HYDIN: variants seen among roughly 807,000 people sequenced by gnomAD.
The protein encoded by HYDIN is HYDIN axonemal central pair apparatus protein, also known as axonemal central pair apparatus protein HYDIN.
In HYDIN, 132 loss-of-function variants were observed where a neutral mutation model predicts 403.9. That is an observed-to-expected ratio of 0.33 (90% CI 0.28 to 0.38). The LOEUF (loss-of-function observed/expected upper bound fraction) is 0.38, where lower values mean the gene tolerates loss of function less well. HYDIN is among the 10% of genes least tolerant of loss of function. The probability of loss-of-function intolerance (pLI) is 1.00; values close to 1 mark genes in which losing one functional copy is unlikely to be tolerated. For missense variants in HYDIN, 2,827 were observed against 5,009.5 expected (o/e 0.56, Z 13.15); for synonymous variants, 1,202 against 1,891.7 (o/e 0.64, Z 9.46).
chr16:71,020,126 C>G (rs1431268415), intron 22 of HYDIN, 48 bp downstream of exon 22: 1 of 1,595,132 alleles, frequency 6.3e-7, no homozygotes, highest in Non-Finnish European at 8.5e-7. Context: ...TTTATCACAC[C>G]CCGCCCCACC....
intron 10 of HYDIN, among the ~76,000 whole-genome samples, chr16:71,100,329 T>C (rs2083419991): frequency 6.6e-6 from 1 of 152,354 alleles, no homozygotes; most frequent in African/African-American, 2.4e-5. Context: ...AACAGATTTA[T>C]ATCTATAAAT....
intron 13 of HYDIN, among the ~76,000 whole-genome samples, chr16:71,070,277 CCT>C (rs1304937793): frequency 1.3e-3 from 199 of 150,808 alleles, no homozygotes; most frequent in African/African-American, 4.3e-3. Context: ...CTCTCTCCTT[CCT>C]TCCTTCCTTC....
chr16:71,227,368 C>T (rs2041081458), intron 1 of HYDIN, among the ~76,000 whole-genome samples: 1 of 152,108 alleles, frequency 6.6e-6, no homozygotes, highest in Non-Finnish European at 1.5e-5. Flanking sequence ...AAGAGGAAGT[C>T]AAATTGTCCC....
At chr16:71,082,550 T>G (rs2082815361) in intron 12 of HYDIN, among the ~76,000 whole-genome samples, 1 of 151,374 alleles carries the variant, frequency 6.6e-6, no homozygotes, top group Non-Finnish European at 1.5e-5. Context: ...CATGTGAATT[T>G]TGGTAAATGG....
intron 13 of HYDIN, among the ~76,000 whole-genome samples, chr16:71,077,845 T>C (rs1167712454): frequency 1.3e-5 from 2 of 151,858 alleles, no homozygotes; most frequent in East Asian, 1.9e-4. Flanking sequence ...TATTTTTCAT[T>C]CATCATATTA....
At chr16:70,972,935 C>G (rs2078774148) in intron 35 of HYDIN, among the ~76,000 whole-genome samples, 1 of 152,198 alleles carries the variant, frequency 6.6e-6, no homozygotes, top group African/African-American at 2.4e-5. Context: ...TAGTGCGAAG[C>G]TTATGAAATC....
At chr16:71,165,196 G>T (rs1451529235) in intron 5 of HYDIN, among the ~76,000 whole-genome samples, 2 of 151,184 alleles carry the variant, frequency 1.3e-5, no homozygotes, top group African/African-American at 4.9e-5. Context: ...CACTTGCGAA[G>T]GTCCCGTGGT....
Position 70,818,425 on chromosome 16 carries a change from G to A in HYDIN, c.14575C>T (p.Pro4859Ser). 6.2e-7 allele frequency: 1 copy of A among 1,612,730 alleles called. No homozygotes were observed. The highest frequency in any genetic ancestry group is 1.7e-4 in the Middle Eastern group (1 of 6,052). Residue 4859 changes from proline to serine, a missense_variant, in exon 84 of 86, where the codon CCC (proline) becomes TCC (serine). Pro to Ser is a moderately conservative substitution (Grantham distance 74). Transcript: ENST00000393567. Reference sequence around the variant, plus strand: ...TCCGTGGAGAAGGTCACCGAGTAGGGCAGAGGGTTCTCCAACTTGATGGAG... The same window carrying A: ...TCCGTGGAGAAGGTCACCGAGTAGGACAGAGGGTTCTCCAACTTGATGGAG... ...SASIKLENPL[P>S]YSVTFSTECR...
At chr16:71,059,379 C>A (rs945518374) in intron 18 of HYDIN, among the ~76,000 whole-genome samples, 2 of 152,038 alleles carry the variant, frequency 1.3e-5, no homozygotes, top group Admixed American at 1.3e-4. Flanking sequence ...TATGCAAATG[C>A]CATTTATTGA....
intron 9 of HYDIN, among the ~76,000 whole-genome samples, chr16:71,116,507 C>A (rs1389938671): frequency 5.3e-5 from 8 of 152,066 alleles, no homozygotes; most frequent in Non-Finnish European, 1.0e-4. Flanking sequence ...GCAGAGCTCT[C>A]TTCGAGATCC....
In HYDIN at chr16:70,920,708, G is replaced by A. The variant is rs773038982; in HGVS notation, c.7668C>T (p.His2556=). ...SDWEGEGEED[H]EGKKEKDLGV... is the part of the protein sequence containing the mutation. ...CCAGGTCCTTCTCCTTCTTCCCTTCGTGGTCCTCCTCCCCTTCCCCCTCCC... is the reference window on the plus strand; with the variant it reads ...CCAGGTCCTTCTCCTTCTTCCCTTCATGGTCCTCCTCCCCTTCCCCCTCCC... The change falls in exon 46 of 86, where the codon CAC becomes CAT. Residue 2556 remains histidine, a synonymous_variant. Coordinates refer to ENST00000393567, the MANE Select transcript of HYDIN (RefSeq NM_001270974.2). The A allele has an allele frequency of 1.2e-5, 19 of 1,601,698 alleles. No individual in the cohort carries two copies. The highest frequency in any genetic ancestry group is 3.3e-4 in the Middle Eastern group (2 of 6,046).
At chr16:70,912,962 G>A (rs1371133812) in intron 47 of HYDIN, among the ~76,000 whole-genome samples, 1 of 150,342 alleles carries the variant, frequency 6.7e-6, no homozygotes, top group Non-Finnish European at 1.5e-5. Flanking sequence ...TATTTCTGTG[G>A]TGTCAGTTGT....
intron 47 of HYDIN, among the ~76,000 whole-genome samples, chr16:70,917,435 C>G (rs1161169845): frequency 6.6e-6 from 1 of 151,912 alleles, no homozygotes; most frequent in Non-Finnish European, 1.5e-5. Context: ...GTTACGAGCT[C>G]TCTTTGCTGA....
intron 41 of HYDIN, among the ~76,000 whole-genome samples, chr16:70,945,985 A>C (rs1488447723): frequency 6.6e-6 from 1 of 151,940 alleles, no homozygotes; most frequent in Non-Finnish European, 1.5e-5. Flanking sequence ...TAATAGGCGG[A>C]GGGGGATGTG....
chr16:70,909,885 C>T (rs527456700), intron 47 of HYDIN, among the ~76,000 whole-genome samples: 2 of 149,896 alleles, frequency 1.3e-5, no homozygotes, highest in African/African-American at 2.5e-5. Flanking sequence ...TTAGTAGAGA[C>T]GGGGTTTCAC....
intron 85 of HYDIN, among the ~76,000 whole-genome samples, chr16:70,808,742 T>A (rs747854151): frequency 4.6e-5 from 7 of 152,256 alleles, no homozygotes; most frequent in Non-Finnish European, 8.8e-5. Context: ...TACCTGGGCA[T>A]GTGACTGCCC....
chr16:70,901,774 C>T (rs753314988), intron 52 of HYDIN, among the ~76,000 whole-genome samples: 17 of 151,900 alleles, frequency 1.1e-4, no homozygotes, highest in African/African-American at 2.2e-4. Context: ...TTAGTACAGA[C>T]GGGGTTTCAC....
chr16:71,069,365 A>G lies in HYDIN; in HGVS notation c.1876T>C (p.Ser626Pro). The G allele has an allele frequency of 1.2e-6, 2 of 1,614,156 alleles. No individual in the cohort carries two copies. The highest frequency in any genetic ancestry group is 1.7e-6 in the Non-Finnish European group (2 of 1,180,022). The change falls in exon 14 of 86, where the codon TCT (serine) becomes CCT (proline). Residue 626 changes from serine to proline, a missense_variant. Physicochemically the swap from Ser to Pro is moderately conservative, Grantham distance 74 (BLOSUM62 -1). Coordinates refer to ENST00000393567, the MANE Select transcript of HYDIN (RefSeq NM_001270974.2). ...GAGGATATTTCTTCCTTGGTCCAAG[A>G]TGGTCTTTTGTAGTCCACATGCTGC... is the stretch of plus-strand genomic sequence containing the variant. ...CEQHVDYKRP[S>P]WTKEEISSMK... is the part of the protein sequence containing the mutation.
At chr16:70,819,042 TA>T (rs67935436) in intron 83 of HYDIN, among the ~76,000 whole-genome samples, 24,832 of 146,468 alleles carry the variant, frequency 0.17, 3,485 homozygotes, top group African/African-American at 0.39. Context: ...GCCTCACAAG[TA>T]AGCTGGGATT....
Sources: allele counts gnomAD v4.1 joint callset (sites outside exome capture counted in the v4.1 genomes callset), GRCh38; gene constraint gnomAD v4.1.1; transcripts MANE v1.5; gene names NCBI Gene and HGNC (gene_info 2026-07-23, HGNC 2026-07-21).